DAB1: variants seen among roughly 807,000 people sequenced by gnomAD.
DAB1 encodes the protein DAB adaptor protein 1, also known as disabled homolog 1.
In DAB1, 15 loss-of-function variants were observed where a neutral mutation model predicts 64.6. The observed-to-expected ratio is 0.23, with a 90% CI of 0.16 to 0.36. The LOEUF (loss-of-function observed/expected upper bound fraction) is 0.36, where lower values mean the gene tolerates loss of function less well. Among genes scored for constraint, DAB1 ranks in the 10% least tolerant of loss-of-function variants. The probability of loss-of-function intolerance (pLI) is 1.00; values close to 1 mark genes in which losing one functional copy is unlikely to be tolerated. For missense variants in DAB1, 596 were observed against 706.7 expected (o/e 0.84, Z 1.78); for synonymous variants, 235 against 251.9 (o/e 0.93, Z 0.64).
At chr1:57,657,721 T>A (rs1244594225) in intron 6 of DAB1, among the ~76,000 whole-genome samples, 1 of 152,172 alleles carries the variant, frequency 6.6e-6, no homozygotes, top group Non-Finnish European at 1.5e-5. Context: ...AAAGAATACG[T>A]TCATGTGTGT....
intron 6 of DAB1, among the ~76,000 whole-genome samples, chr1:57,742,859 G>C (rs1328380101): frequency 6.6e-6 from 1 of 152,166 alleles, no homozygotes; most frequent in Non-Finnish European, 1.5e-5. Flanking sequence ...CAGTGTGAAG[G>C]TGTGGAAGTG....
chr1:57,353,225 T>C (rs1244968972), intron 1 of DAB1, among the ~76,000 whole-genome samples: 2 of 151,920 alleles, frequency 1.3e-5, no homozygotes, highest in Non-Finnish European at 2.9e-5. Context: ...CCACCAACTT[T>C]CATTATCTTT....
chr1:57,603,342 C>A (rs1558532165), intron 7 of DAB1, among the ~76,000 whole-genome samples: 1 of 152,170 alleles, frequency 6.6e-6, no homozygotes, highest in African/African-American at 2.4e-5. Flanking sequence ...GAGATCTGGT[C>A]TAGAGTTCTT....
chr1:57,713,463 T>A (rs761258493), intron 6 of DAB1, among the ~76,000 whole-genome samples: 3 of 152,166 alleles, frequency 2.0e-5, no homozygotes, highest in Non-Finnish European at 4.4e-5. Flanking sequence ...ACCAAATTGA[T>A]CCATGATTTC....
At chr1:57,515,015 G>A (rs1029210952) in intron 7 of DAB1, among the ~76,000 whole-genome samples, 7 of 152,066 alleles carry the variant, frequency 4.6e-5, no homozygotes, top group African/African-American at 1.2e-4. Flanking sequence ...GCATATTGCT[G>A]TAAAATTTTC....
intron 5 of DAB1, among the ~76,000 whole-genome samples, chr1:57,913,637 T>C (rs969496891): frequency 3.9e-5 from 6 of 152,212 alleles, no homozygotes; most frequent in African/African-American, 1.2e-4. Flanking sequence ...CAAAAGAAAC[T>C]ACCATCAGAG....
At chr1:58,452,918 T>C (rs961432238) in intron 3 of DAB1, among the ~76,000 whole-genome samples, 4 of 151,796 alleles carry the variant, frequency 2.6e-5, no homozygotes, top group African/African-American at 9.7e-5. Flanking sequence ...CCTAGGTAAT[T>C]AAAGTGAAAA....
intron 3 of DAB1, among the ~76,000 whole-genome samples, chr1:58,404,318 C>A (rs1055067613): frequency 6.6e-6 from 1 of 152,220 alleles, no homozygotes; most frequent in African/African-American, 2.4e-5. Context: ...GATCAGCTTT[C>A]ACAAGCAGAT....
chr1:57,314,826 C>T (rs1474033435), intron 1 of DAB1, among the ~76,000 whole-genome samples: 2 of 151,282 alleles, frequency 1.3e-5, no homozygotes, highest in Admixed American at 1.3e-4. Flanking sequence ...GACAGATGAA[C>T]AGGTACACAG....
chr1:58,184,315 AAT>A (rs997295897), intron 4 of DAB1, among the ~76,000 whole-genome samples: 1 of 148,552 alleles, frequency 6.7e-6, no homozygotes, highest in Non-Finnish European at 1.5e-5. Flanking sequence ...ATATATTAAT[AAT>A]ATATATATAA....
intron 1 of DAB1, among the ~76,000 whole-genome samples, chr1:57,375,559 G>A (rs992409673): frequency 2.6e-5 from 4 of 152,156 alleles, no homozygotes; most frequent in African/African-American, 9.7e-5. Flanking sequence ...ATATGCAGTA[G>A]GCCCAACATC....
At chr1:57,356,309 A>T (rs543981055) in intron 1 of DAB1, among the ~76,000 whole-genome samples, 26 of 152,256 alleles carry the variant, frequency 1.7e-4, no homozygotes, top group Admixed American at 8.5e-4. Flanking sequence ...AAACTTGCTC[A>T]GTTCAATCCT....
intron 7 of DAB1, among the ~76,000 whole-genome samples, chr1:57,642,701 A>G (rs1342915544): frequency 1.3e-5 from 2 of 152,156 alleles, no homozygotes; most frequent in African/African-American, 2.4e-5. Flanking sequence ...TGCCAATTTA[A>G]TCCTGTTCTG....
intron 2 of DAB1, among the ~76,000 whole-genome samples, chr1:57,287,373 C>G (rs1672401375): frequency 6.6e-6 from 1 of 152,182 alleles, no homozygotes. Context: ...CCATGCCCAG[C>G]CAGAAAACTA....
At chr1:57,860,621 A>G (rs1266212417) in intron 1 of DAB1, 1 of 152,240 alleles carries the variant, frequency 6.6e-6, no homozygotes. Flanking sequence ...TGAGGCAGGC[A>G]CTTGCTTGCA....
intron 4 of DAB1, among the ~76,000 whole-genome samples, chr1:57,095,462 T>C (rs1654072579): frequency 6.6e-6 from 1 of 152,340 alleles, no homozygotes; most frequent in East Asian, 1.9e-4. Flanking sequence ...AATGATCCAC[T>C]GCTACTTCCT....
intron 5 of DAB1, among the ~76,000 whole-genome samples, chr1:57,972,318 C>T (rs1314702746): frequency 2.0e-5 from 3 of 152,128 alleles, no homozygotes; most frequent in South Asian, 2.1e-4. Flanking sequence ...CTCACTGCAG[C>T]GTTGAATTCC....
chr1:58,300,245 T>C (rs1042902280), intron 4 of DAB1, among the ~76,000 whole-genome samples: 5 of 152,098 alleles, frequency 3.3e-5, no homozygotes, highest in Non-Finnish European at 7.4e-5. Flanking sequence ...AAGGTACTGC[T>C]GCTTTAAGAA....
intron 1 of DAB1, among the ~76,000 whole-genome samples, chr1:57,392,413 C>T (rs1682457829): frequency 6.6e-6 from 1 of 152,096 alleles, no homozygotes; most frequent in Admixed American, 6.6e-5. Flanking sequence ...ATATAACGAA[C>T]ACTCCTACTT....
Sources: allele counts gnomAD v4.1 joint callset (sites outside exome capture counted in the v4.1 genomes callset), GRCh38; gene constraint gnomAD v4.1.1; transcripts MANE v1.5; gene names NCBI Gene and HGNC (gene_info 2026-07-23, HGNC 2026-07-21).